ZNF282: variants seen among roughly 807,000 people sequenced by gnomAD.
ZNF282 encodes zinc finger protein 282.
In ZNF282, 30 loss-of-function variants were observed where a neutral mutation model predicts 61.9. The ratio of observed to expected loss-of-function variants is 0.48; its 90% CI spans 0.36 to 0.66. The LOEUF (loss-of-function observed/expected upper bound fraction) is 0.66. Among genes scored for constraint, ZNF282 ranks in the 30% least tolerant of loss-of-function variants. The pLI is 0.00. For missense variants in ZNF282, 788 were observed against 941.4 expected (o/e 0.84, Z 2.13); for synonymous variants, 396 against 405.0 (o/e 0.98, Z 0.27).
rs765446421 is a variant in ZNF282 at position 149,223,792 on chromosome 7, A to C, written c.1181-20A>C. ...GGCCGAGAACCCCTGTCAGCATGTC[A>C]CTTCTTCCTATCTCCCCAGGTGACA... On this transcript the variant is annotated intron_variant, in intron 7 of 7. Transcript: ENST00000610704. The C allele has an allele frequency of 7.4e-6, 11 of 1,483,344 alleles. 1 individual carries two copies. The Middle Eastern group carries it at 7.1e-4, about 96-fold the overall frequency. 91.9% of individuals were successfully genotyped at this position (1,483,344 alleles called of 1,614,324 possible). A position where few individuals can be genotyped will look rare whatever the true frequency, so the allele number is the denominator to read the frequency against.
chr7:149,224,081 G>A lies in ZNF282; in HGVS notation c.1450G>A (p.Gly484Ser), dbSNP rs1396862325. 1.3e-5 allele frequency: 16 copies of A among 1,242,856 alleles called. No individual in the cohort carries two copies. Among genetic ancestry groups the A allele is most frequent in the Non-Finnish European group, 1.6e-5 (16 of 994,004 alleles). 77.0% of individuals were successfully genotyped at this position (1,242,856 alleles called of 1,614,324 possible). A position where few individuals can be genotyped will look rare whatever the true frequency, so the allele number is the denominator to read the frequency against. Reference protein sequence around the residue: ...GGGGDGGGGGGGAEAGTGAGG... With the variant: ...GGGGDGGGGGSGAEAGTGAGG... Reference sequence around the variant, plus strand: ...CGGGGGCGATGGGGGCGGTGGGGGCGGCGGCGCGGAGGCGGGGACGGGGGC... The same window carrying A: ...CGGGGGCGATGGGGGCGGTGGGGGCAGCGGCGCGGAGGCGGGGACGGGGGC... Residue 484 changes from glycine to serine, a missense_variant, in exon 8 of 8, where the codon GGC (glycine) becomes AGC (serine). Physicochemically the swap from Gly to Ser is moderately conservative, Grantham distance 56. Transcript: ENST00000610704.
intron 7 of ZNF282, among the ~76,000 whole-genome samples, chr7:149,220,794 A>G (rs1796232448): frequency 7.0e-6 from 1 of 142,038 alleles, no homozygotes; most frequent in Non-Finnish European, 1.5e-5. Flanking sequence ...AGGGCCATGC[A>G]TGGGTTGGGG....
At chr7:149,213,270 C>A (rs1796113777) in intron 6 of ZNF282, among the ~76,000 whole-genome samples, 1 of 152,190 alleles carries the variant, frequency 6.6e-6, no homozygotes, top group African/African-American at 2.4e-5. Flanking sequence ...GAAAGCGGGG[C>A]CTTCCTGCTT....
chr7:149,224,165 G>C lies in ZNF282; in HGVS notation c.1534G>C (p.Gly512Arg). 6.3e-7 allele frequency: 1 copy of C among 1,578,680 alleles called. No homozygotes were observed. Among genetic ancestry groups the C allele is most frequent in the South Asian group, 1.1e-5 (1 of 87,418 alleles). Residue 512 changes from glycine (G) to arginine (R), a missense_variant, in exon 8 of 8, where the codon GGC becomes CGC. Transcript: ENST00000610704. ...GGLRRSLLLH[G>R]ARSKPYSCPE... ...GCTGCGGCGGAGCCTCCTCCTGCAC[G>C]GCGCCCGCAGCAAGCCCTACTCGTG...
At position 149,224,500 on chromosome 7, in the gene ZNF282, C is replaced by T. The variant is rs1202550544; in HGVS notation, c.1869C>T (p.Ile623=). Residue 623 remains isoleucine (I), a synonymous_variant, in exon 8 of 8, where the codon ATC becomes ATT. Transcript: ENST00000610704. Reference sequence around the variant, plus strand: ...AGAACCTGCTCAAGCACCAGCGCATCCACACGGGCGAGCGCCCCTACACGT... The same window carrying T: ...AGAACCTGCTCAAGCACCAGCGCATTCACACGGGCGAGCGCCCCTACACGT... ...RKQNLLKHQR[I]HTGERPYTCG... The T allele has an allele frequency of 6.2e-7, 1 of 1,612,772 alleles. No homozygotes were observed. The highest frequency in any genetic ancestry group is 1.1e-5 in the South Asian group (1 of 91,054).
Position 149,198,337 on chromosome 7 carries a change from A to G in ZNF282, c.170A>G (p.Gln57Arg), listed in dbSNP as rs1197677007. ...MAEGMPPMQAQEWDMDARRPM... is the reference protein window; with the variant it reads ...MAEGMPPMQAREWDMDARRPM... ...GCTTTCTCCCTCTGCATACAGGCTC[A>G]AGAATGGGACATGGACGCCCGGCGG... Residue 57 changes from glutamine (Q) to arginine (R), a missense_variant, in exon 2 of 8, where the codon CAA (glutamine) becomes CGA (arginine). Physicochemically the swap from Gln to Arg is conservative, Grantham distance 43 (BLOSUM62 1). This residue lies in a region of ZNF282 where 137 missense variants were observed against 135.4 expected (regional missense o/e 1.01). Transcript: ENST00000610704. The surrounding 1 kb of genome is among the most constrained non-coding windows in gnomAD (Gnocchi z 4.3). 1 of 1,604,764 alleles carries G rather than the reference A, an allele frequency of 6.2e-7. No homozygotes were observed. Among genetic ancestry groups the G allele is most frequent in the Non-Finnish European group, 8.5e-7 (1 of 1,174,182 alleles).
chr7:149,214,429 C>A (rs1013953081), intron 7 of ZNF282, among the ~76,000 whole-genome samples: 2 of 151,766 alleles, frequency 1.3e-5, no homozygotes, highest in South Asian at 4.2e-4. Flanking sequence ...GGGGAAGGCA[C>A]AATTTAACCC....
chr7:149,207,541 C>T, intron 4 of ZNF282, 71 bp downstream of exon 4: 3 of 1,536,026 alleles, frequency 2.0e-6, no homozygotes, highest in Non-Finnish European at 1.8e-6. Context: ...CCGCACACTG[C>T]TGCCGCGAGG....
Position 149,213,902 on chromosome 7 carries a change from T to A in ZNF282, c.1180+88T>A, listed in dbSNP as rs930875536. 4 of 871,310 alleles carry A rather than the reference T, an allele frequency of 4.6e-6. No homozygotes were observed. The African/African-American group carries it at 6.7e-5, about 15-fold the overall frequency. 54.0% of individuals were successfully genotyped at this position (871,310 alleles called of 1,614,324 possible). A position where few individuals can be genotyped will look rare whatever the true frequency, so the allele number is the denominator to read the frequency against. ...GACGAAGGCTGGTCCTCTTCTCAGC[T>A]CACCCCTCGTAGGGTGATGTTCTGT... On this transcript the variant is annotated intron_variant, in intron 7 of 7. Coordinates refer to ENST00000610704, the MANE Select transcript of ZNF282 (RefSeq NM_003575.4).
chr7:149,207,268 G>A, intron 3 of ZNF282, 83 bp from the exon 4 acceptor site: 4 of 1,508,606 alleles, frequency 2.7e-6, no homozygotes, highest in Non-Finnish European at 3.6e-6. Context: ...GGGGAGATGG[G>A]GTAGGGGAGA....
chr7:149,225,367 A>T lies in ZNF282; in HGVS notation c.*720A>T, dbSNP rs1447073034. On this transcript the variant is annotated 3_prime_UTR_variant, in exon 8 of 8. Transcript: ENST00000610704. ...CCTTTCCTTGCTCTCACCCACGGAT[A>T]AAACCAGAAGCGACAGGAGGCCAGC... 1 of 152,300 alleles carries T rather than the reference A, an allele frequency of 6.6e-6. No homozygotes were observed. The highest frequency in any genetic ancestry group is 1.5e-5 in the Non-Finnish European group (1 of 68,096). The allele number at this position is 152,300 out of a possible 1,614,324, so 9.4% of individuals were successfully genotyped here.
rs1268191092 is a variant in ZNF282 at position 149,225,905 on chromosome 7, CTCCATT to C, written c.*1261_*1266del. ...GCGCTGCGTCCCGAGGGGCCACAGT[CTCCATT>C]TCAGCGTCTTGCATGGCCTGGCACC... On this transcript the variant is annotated 3_prime_UTR_variant, in exon 8 of 8. Coordinates refer to ENST00000610704, the MANE Select transcript of ZNF282 (RefSeq NM_003575.4). 1.3e-5 allele frequency: 2 copies of C among 152,668 alleles called. No individual in the cohort carries two copies. The highest frequency in any genetic ancestry group is 4.8e-5 in the African/African-American group (2 of 41,462). 9.5% of individuals were successfully genotyped at this position (152,668 alleles called of 1,614,324 possible).
At position 149,224,818 on chromosome 7, in the gene ZNF282, A is replaced by ATCTAGGG; in HGVS notation, c.*172_*173insCTAGGGT. ...GATCCCCCAGATCTGTCTGGTCTGAATGGACGCCCAGCTCATCTAGGGTGG... is the reference window on the plus strand; with the variant it reads ...GATCCCCCAGATCTGTCTGGTCTGAATCTAGGGTGGACGCCCAGCTCATCTAGGGTGG... On this transcript the variant is annotated 3_prime_UTR_variant, in exon 8 of 8. Coordinates refer to ENST00000610704, the MANE Select transcript of ZNF282 (RefSeq NM_003575.4). 8.2e-7 allele frequency: 1 copy of ATCTAGGG among 1,217,706 alleles called. No homozygotes were observed. The highest frequency in any genetic ancestry group is 1.1e-6 in the Non-Finnish European group (1 of 904,086). The allele number at this position is 1,217,706 out of a possible 1,614,324, so 75.4% of individuals were successfully genotyped here.
At chr7:149,215,093 G>A (rs1796141956) in intron 7 of ZNF282, among the ~76,000 whole-genome samples, 1 of 151,770 alleles carries the variant, frequency 6.6e-6, no homozygotes, top group Non-Finnish European at 1.5e-5. Flanking sequence ...CTAAAACCCA[G>A]TACCATCCCC....
At chr7:149,199,150 G>A (rs141401904) in intron 2 of ZNF282, among the ~76,000 whole-genome samples, 3,388 of 152,266 alleles carry the variant, frequency 0.022, 55 homozygotes, top group Non-Finnish European at 0.035. Context: ...AAACCAGGCT[G>A]CCTGGAGTTG....
In ZNF282 at chr7:149,206,778, A is replaced by G. The variant is rs779730870; in HGVS notation, c.668A>G (p.Tyr223Cys). 6.2e-7 allele frequency: 1 copy of G among 1,614,094 alleles called. No individual in the cohort carries two copies. Among genetic ancestry groups the G allele is most frequent in the Non-Finnish European group, 8.5e-7 (1 of 1,180,050 alleles). The change falls in exon 3 of 8, where the codon TAT (tyrosine) becomes TGT (cysteine). Residue 223 changes from tyrosine (Y) to cysteine (C), a missense_variant. Physicochemically the swap from Tyr to Cys is radical, Grantham distance 194 (BLOSUM62 -2). Transcript: ENST00000610704. Reference sequence around the variant, plus strand: ...TTGGACGAATGGCAGAAGGAGCTTTATAACAACCTTGTTAAGGAGAACTAC... The same window carrying G: ...TTGGACGAATGGCAGAAGGAGCTTTGTAACAACCTTGTTAAGGAGAACTAC... ...KNLDEWQKEL[Y>C]NNLVKENYKT...
chr7:149,196,942 G>A (rs1179421869), intron 1 of ZNF282, among the ~76,000 whole-genome samples: 1 of 152,178 alleles, frequency 6.6e-6, no homozygotes, highest in African/African-American at 2.4e-5. Flanking sequence ...CAAGCAGCAG[G>A]CCTCCCCTTT....
rs1379268569 is a variant in ZNF282 at position 149,213,655 on chromosome 7, G to A, written c.1067-46G>A. The A allele has an allele frequency of 2.7e-6, 4 of 1,473,242 alleles. No homozygotes were observed. The South Asian group carries it at 3.5e-5, about 13-fold the overall frequency. The allele number at this position is 1,473,242 out of a possible 1,614,324, so 91.3% of individuals were successfully genotyped here. On this transcript the variant is annotated intron_variant, in intron 6 of 7. Coordinates refer to ENST00000610704, the MANE Select transcript of ZNF282 (RefSeq NM_003575.4). ...TTTCAAACCTTTGATGGGAGGCCGA[G>A]TAGAACTGAACAAAATCTAAGACTG... is the stretch of plus-strand genomic sequence containing the variant.
intron 7 of ZNF282, among the ~76,000 whole-genome samples, chr7:149,217,258 C>T (rs1322844975): frequency 1.1e-4 from 16 of 152,120 alleles, no homozygotes; most frequent in Admixed American, 9.8e-4. Context: ...AGTGAAGGGC[C>T]AGGTGTGGTA....
Sources: allele counts gnomAD v4.1 joint callset (sites outside exome capture counted in the v4.1 genomes callset), GRCh38; gene constraint gnomAD v4.1.1; regional missense constraint gnomAD v4.1.1; non-coding constraint Gnocchi (gnomAD v3.1); transcripts MANE v1.5; gene names NCBI Gene and HGNC (gene_info 2026-07-23, HGNC 2026-07-21).